CD58: variants seen among roughly 807,000 people sequenced by gnomAD.
CD58 encodes the protein CD58 molecule, also known as lymphocyte function-associated antigen 3.
In CD58, 14 loss-of-function variants were observed where a neutral mutation model predicts 27.6. That is an observed-to-expected ratio of 0.51 (90% CI 0.34 to 0.79). The LOEUF is 0.79. CD58 is among the 30% of genes least tolerant of loss of function. CD58 has a pLI of 0.02. For synonymous variants in CD58, 117 were observed against 103.8 expected (o/e 1.13, Z -0.77); for missense variants, 268 against 301.7 (o/e 0.89, Z 0.83).
rs1557843899 is a variant in CD58 at position 116,559,364 on chromosome 1, G to A, written c.70+11539C>T. ...ATGAAGAAATGGACTGAGAGGGTCA[G>A]CTGACTGCATTCACTCAGCTAGCAA... is the stretch of plus-strand genomic sequence containing the variant. On this transcript the variant is annotated intron_variant, in intron 1 of 5. Transcript: ENST00000369489. The surrounding 1 kb of genome is among the most constrained non-coding windows in gnomAD (Gnocchi z 4.4). Among the ~76,000 whole-genome samples the A allele has an allele frequency of 6.6e-6, 1 of 152,214 alleles. No homozygotes were observed. The highest frequency in any genetic ancestry group is 1.5e-5 in the Non-Finnish European group (1 of 68,030).
At chr1:116,564,547 G>A (rs1224934907) in intron 1 of CD58, among the ~76,000 whole-genome samples, 1 of 152,174 alleles carries the variant, frequency 6.6e-6, no homozygotes, top group African/African-American at 2.4e-5. Flanking sequence ...ACCTGGCCAG[G>A]GAGGCCCCAC....
rs188883822 is a variant in CD58 at position 116,545,267 on chromosome 1, T to G, written c.71-663A>C. On this transcript the variant is annotated intron_variant, in intron 1 of 5. Coordinates refer to ENST00000369489, the MANE Select transcript of CD58 (RefSeq NM_001779.3). Reference sequence around the variant, plus strand: ...CGCTAAGGGTTTGGACTGATCCTAATGGAGAGGAAGCCACAGAAAGGTTTT... The same window carrying G: ...CGCTAAGGGTTTGGACTGATCCTAAGGGAGAGGAAGCCACAGAAAGGTTTT... Among the ~76,000 whole-genome samples the G allele has an allele frequency of 5.9e-5, 9 of 152,290 alleles. No individual in the cohort carries two copies. In the East Asian group the frequency reaches 1.7e-3, roughly 29 times the overall value.
Position 116,536,173 on chromosome 1 carries a change from G to C in CD58, c.420C>G (p.Val140=). ...TGTAATGCTCTGGTATCATGCATTG[G>C]ACTTCAATGCTTCCATTAGTCAATG... ...TCALTNGSIE[V]QCMIPEHYNS... Residue 140 remains valine (V), a synonymous_variant, in exon 3 of 6, where the codon GTC becomes GTG. Transcript: ENST00000369489. This position sits in a 1 kb window ranked among gnomAD's most constrained non-coding sequence, Gnocchi z 5.4. 1 of 1,608,848 alleles carries C rather than the reference G, an allele frequency of 6.2e-7. No individual in the cohort carries two copies. Among genetic ancestry groups the C allele is most frequent in the Non-Finnish European group, 8.5e-7 (1 of 1,175,306 alleles).
At position 116,538,362 on chromosome 1, in the gene CD58, C is replaced by T. The variant is rs1284966006; in HGVS notation, c.365-2134G>A. 6.6e-6 allele frequency among the ~76,000 whole-genome samples: 1 copy of T among 152,112 alleles called. No homozygotes were observed. The highest frequency in any genetic ancestry group is 2.4e-5 in the African/African-American group (1 of 41,398). ...TTTTGCCCACCCCACCCCATAGCAG[C>T]CCTCAGGGGACTTCCAAGGAACATG... On this transcript the variant is annotated intron_variant, in intron 2 of 5. Coordinates refer to ENST00000369489, the MANE Select transcript of CD58 (RefSeq NM_001779.3). The surrounding 1 kb of genome is among the most constrained non-coding windows in gnomAD (Gnocchi z 4.7).
chr1:116,518,550 C>T, intron 5 of CD58: 1 of 495,712 alleles, frequency 2.0e-6, no homozygotes, highest in Non-Finnish European at 2.6e-6. Flanking sequence ...CCTCAACACT[C>T]TCTGCTCCAA....
chr1:116,558,056 C>T (rs1394994107), intron 1 of CD58, among the ~76,000 whole-genome samples: 2 of 146,444 alleles, frequency 1.4e-5, no homozygotes, highest in Non-Finnish European at 3.0e-5. Flanking sequence ...TAGAAATAAA[C>T]AATGTAATTT....
rs1657370357 is a variant in CD58, at chr1:116,524,525, G to C, written c.629-2542C>G. Reference sequence around the variant, plus strand: ...GCCAAGATTCAATGGTTTTTGACTAGAGAAACAGCAATTTCATATGGTTCA... The same window carrying C: ...GCCAAGATTCAATGGTTTTTGACTACAGAAACAGCAATTTCATATGGTTCA... On this transcript the variant is annotated intron_variant, in intron 3 of 5. Coordinates refer to ENST00000369489, the MANE Select transcript of CD58 (RefSeq NM_001779.3). The surrounding 1 kb of genome is among the most constrained non-coding windows in gnomAD (Gnocchi z 4.6). Among the ~76,000 whole-genome samples, 1 of 152,172 alleles carries C rather than the reference G, an allele frequency of 6.6e-6. No individual in the cohort carries two copies. Among genetic ancestry groups the C allele is most frequent in the South Asian group, 2.1e-4 (1 of 4,828 alleles).
rs879856161 is a variant in CD58, at chr1:116,515,069, C to A, written c.744-247G>T. Among the ~76,000 whole-genome samples the A allele has an allele frequency of 2.0e-5, 3 of 152,206 alleles. No individual in the cohort carries two copies. The highest frequency in any genetic ancestry group is 4.4e-5 in the Non-Finnish European group (3 of 68,034). On this transcript the variant is annotated intron_variant, in intron 5 of 5. Transcript: ENST00000369489. The surrounding 1 kb of genome is among the most constrained non-coding windows in gnomAD (Gnocchi z 4.6). Reference sequence around the variant, plus strand: ...TCAATAGCAGCCCCAAGGCTCCTCCCGCTTACTCTCTGAGTATAACTGAAA... The same window carrying A: ...TCAATAGCAGCCCCAAGGCTCCTCCAGCTTACTCTCTGAGTATAACTGAAA...
chr1:116,555,111 C>A (rs1474035669), intron 1 of CD58, among the ~76,000 whole-genome samples: 2 of 151,976 alleles, frequency 1.3e-5, no homozygotes, highest in Non-Finnish European at 2.9e-5. Context: ...TTGCTGATAC[C>A]ACTGAGTGGT....
chr1:116,559,285 G>A lies in CD58; in HGVS notation c.70+11618C>T, dbSNP rs1160230105. On this transcript the variant is annotated intron_variant, in intron 1 of 5. Coordinates refer to ENST00000369489, the MANE Select transcript of CD58 (RefSeq NM_001779.3). The surrounding 1 kb of genome is among the most constrained non-coding windows in gnomAD (Gnocchi z 4.4). ...CTATCAAAGTAAGGTGGTTTGCTCC[G>A]CTGGACACTTGGTTGATAGAGAAGG... 1.3e-5 allele frequency among the ~76,000 whole-genome samples: 2 copies of A among 152,112 alleles called. No individual in the cohort carries two copies. Among genetic ancestry groups the A allele is most frequent in the South Asian group, 2.1e-4 (1 of 4,826 alleles).
In CD58 at chr1:116,570,191, A is replaced by G. The variant is rs1488262259; in HGVS notation, c.70+712T>C. Among the ~76,000 whole-genome samples the G allele has an allele frequency of 6.6e-6, 1 of 152,188 alleles. No homozygotes were observed. Among genetic ancestry groups the G allele is most frequent in the Non-Finnish European group, 1.5e-5 (1 of 68,026 alleles). On this transcript the variant is annotated intron_variant, in intron 1 of 5. Transcript: ENST00000369489. This position sits in a 1 kb window ranked among gnomAD's most constrained non-coding sequence, Gnocchi z 6.4. ...GGAGGGTGAAGGAGGATGGGGAGGC[A>G]AAATGGGAAGAAGGGGACCTATTTC...
chr1:116,539,049 C>T (rs1009987830), intron 2 of CD58, among the ~76,000 whole-genome samples: 1 of 152,174 alleles, frequency 6.6e-6, no homozygotes, highest in African/African-American at 2.4e-5. Flanking sequence ...TTCCTCCTCT[C>T]TACAATAAGG....
chr1:116,516,483 C>T lies in CD58; in HGVS notation c.744-1661G>A, dbSNP rs79587031. Among the ~76,000 whole-genome samples the T allele has an allele frequency of 9.5e-4, 145 of 152,270 alleles. 2 individuals are homozygous for T. In the East Asian group the frequency reaches 0.027, roughly 28 times the overall value. The stretch of plus-strand genomic sequence containing the variant: ...CCTGCTCAAGAACCTATAATGGCTG[C>T]TTATTTCCATATCACTCCATTCTAA... On this transcript the variant is annotated intron_variant, in intron 5 of 5. Transcript: ENST00000369489. This position sits in a 1 kb window ranked among gnomAD's most constrained non-coding sequence, Gnocchi z 6.1.
In CD58 at chr1:116,538,030, C is replaced by T. The variant is rs1657875538; in HGVS notation, c.365-1802G>A. Among the ~76,000 whole-genome samples the T allele has an allele frequency of 6.6e-6, 1 of 152,170 alleles. No individual in the cohort carries two copies. The stretch of plus-strand genomic sequence containing the variant: ...TTTAATGGTTCCCCCATCTTCTCCT[C>T]CTCCTGAATTCCTTCTCGCTCAGTT... On this transcript the variant is annotated intron_variant, in intron 2 of 5. Transcript: ENST00000369489. The surrounding 1 kb of genome is among the most constrained non-coding windows in gnomAD (Gnocchi z 4.7).
rs1658593091 is a variant in CD58, at chr1:116,557,135, A to G, written c.71-12531T>C. 6.6e-6 allele frequency among the ~76,000 whole-genome samples: 1 copy of G among 152,226 alleles called. No individual in the cohort carries two copies. Among genetic ancestry groups the G allele is most frequent in the South Asian group, 2.1e-4 (1 of 4,834 alleles). On this transcript the variant is annotated intron_variant, in intron 1 of 5. Coordinates refer to ENST00000369489, the MANE Select transcript of CD58 (RefSeq NM_001779.3). This position sits in a 1 kb window ranked among gnomAD's most constrained non-coding sequence, Gnocchi z 5.2. ...ATATCTGTTGAATGAATTAACTAAA[A>G]TGATTAAAATACAACTTAAATGTAG...
chr1:116,515,872 T>C lies in CD58; in HGVS notation c.744-1050A>G, dbSNP rs1486701216. On this transcript the variant is annotated intron_variant, in intron 5 of 5. Coordinates refer to ENST00000369489, the MANE Select transcript of CD58 (RefSeq NM_001779.3). The surrounding 1 kb of genome is among the most constrained non-coding windows in gnomAD (Gnocchi z 4.6). ...TGTGGCGTGGCCATTTCCCGTCAGA[T>C]GTCTGCTATCTACTCATCTGTCCTC... is the stretch of plus-strand genomic sequence containing the variant. Among the ~76,000 whole-genome samples, 1 of 152,168 alleles carries C rather than the reference T, an allele frequency of 6.6e-6. No individual in the cohort carries two copies.
Position 116,570,807 on chromosome 1 carries a change from A to C in CD58, c.70+96T>G. On this transcript the variant is annotated intron_variant, in intron 1 of 5. Transcript: ENST00000369489. This position sits in a 1 kb window ranked among gnomAD's most constrained non-coding sequence, Gnocchi z 6.4. ...AGCGACCCGTCCCCACCCGTCTCTG[A>C]TCGGCAACCGCCTCGAGCCCGGCGC... 1 of 953,628 alleles carries C rather than the reference A, an allele frequency of 1.0e-6. No individual in the cohort carries two copies. 59.1% of individuals were successfully genotyped at this position (953,628 alleles called of 1,614,324 possible). A position where few individuals can be genotyped will look rare whatever the true frequency, so the allele number is the denominator to read the frequency against.
In CD58 at chr1:116,523,270, A is replaced by C. The variant is rs1157996999; in HGVS notation, c.629-1287T>G. 6.6e-6 allele frequency among the ~76,000 whole-genome samples: 1 copy of C among 152,188 alleles called. No individual in the cohort carries two copies. Among genetic ancestry groups the C allele is most frequent in the Non-Finnish European group, 1.5e-5 (1 of 68,002 alleles). Reference sequence around the variant, plus strand: ...AAAAACTGTGGTATGTTCACAAGGTAAACTCTATCCAGCTATTGAAAATCC... The same window carrying C: ...AAAAACTGTGGTATGTTCACAAGGTCAACTCTATCCAGCTATTGAAAATCC... On this transcript the variant is annotated intron_variant, in intron 3 of 5. Coordinates refer to ENST00000369489, the MANE Select transcript of CD58 (RefSeq NM_001779.3). The surrounding 1 kb of genome is among the most constrained non-coding windows in gnomAD (Gnocchi z 4.4).
Position 116,517,538 on chromosome 1 carries a change from A to G in CD58, c.743+1693T>C, listed in dbSNP as rs1233827019. Reference sequence around the variant, plus strand: ...ACTTCATCCCTGCACTGACCACAGCAACCGACTCCACAAAACCAAAGGTCT... The same window carrying G: ...ACTTCATCCCTGCACTGACCACAGCGACCGACTCCACAAAACCAAAGGTCT... On this transcript the variant is annotated intron_variant, in intron 5 of 5. Transcript: ENST00000369489. This position sits in a 1 kb window ranked among gnomAD's most constrained non-coding sequence, Gnocchi z 6.5. Among the ~76,000 whole-genome samples the G allele has an allele frequency of 1.3e-5, 2 of 152,124 alleles. No individual in the cohort carries two copies. The highest frequency in any genetic ancestry group is 2.9e-5 in the Non-Finnish European group (2 of 68,010).
Sources: allele counts gnomAD v4.1 joint callset (sites outside exome capture counted in the v4.1 genomes callset), GRCh38; gene constraint gnomAD v4.1.1; non-coding constraint Gnocchi (gnomAD v3.1); transcripts MANE v1.5; gene names NCBI Gene and HGNC (gene_info 2026-07-23, HGNC 2026-07-21).